The following LPP variants were observed in gnomAD, a reference collection of about 807,000 sequenced individuals.
The protein encoded by LPP is lipoma-preferred partner.
In LPP, 38 loss-of-function variants were observed where a neutral mutation model predicts 60.4. The ratio of observed to expected loss-of-function variants is 0.63; its 90% CI spans 0.49 to 0.83. The LOEUF (loss-of-function observed/expected upper bound fraction) is 0.83, where lower values mean the gene tolerates loss of function less well. Among genes scored for constraint, LPP ranks in the 40% least tolerant of loss-of-function variants. The pLI is 0.00. For missense variants in LPP, 902 were observed against 783.6 expected (o/e 1.15, Z -1.80); for synonymous variants, 328 against 290.8 (o/e 1.13, Z -1.30).
intron 1 of LPP, among the ~76,000 whole-genome samples, chr3:188,190,514 C>G (rs1180689683): frequency 6.6e-6 from 1 of 152,182 alleles, no homozygotes; most frequent in East Asian, 1.9e-4. Flanking sequence ...ATGCTCTGTT[C>G]TAGGCACTGG....
intron 6 of LPP, among the ~76,000 whole-genome samples, chr3:188,549,896 A>G (rs576481376): frequency 6.6e-6 from 1 of 152,328 alleles, no homozygotes; most frequent in African/African-American, 2.4e-5. Context: ...TGGCAATAAA[A>G]GGCCTTGCTT....
chr3:188,365,446 T>C (rs1770842385), intron 3 of LPP, among the ~76,000 whole-genome samples: 1 of 152,208 alleles, frequency 6.6e-6, no homozygotes, highest in Non-Finnish European at 1.5e-5. Context: ...TCACTTTTAG[T>C]ATGTGACTTG....
intron 9 of LPP, among the ~76,000 whole-genome samples, chr3:188,816,703 C>T (rs906267983): frequency 6.6e-5 from 10 of 152,134 alleles, no homozygotes; most frequent in Admixed American, 4.6e-4. Context: ...AGATTCAGTG[C>T]CAAAGAAATT....
At chr3:188,269,124 T>A (rs1436963589) in intron 2 of LPP, among the ~76,000 whole-genome samples, 1 of 152,206 alleles carries the variant, frequency 6.6e-6, no homozygotes, top group Non-Finnish European at 1.5e-5. Flanking sequence ...TTGTGGGTGA[T>A]CATATACTAT....
chr3:188,440,611 C>T (rs1470940200), intron 4 of LPP, among the ~76,000 whole-genome samples: 1 of 152,192 alleles, frequency 6.6e-6, no homozygotes, highest in Non-Finnish European at 1.5e-5. Context: ...TTATGCTACT[C>T]TTTCCCTTAG....
chr3:188,321,739 T>C (rs754502459), intron 2 of LPP, among the ~76,000 whole-genome samples: 1 of 152,232 alleles, frequency 6.6e-6, no homozygotes, highest in Non-Finnish European at 1.5e-5. Context: ...CTTTTTCTCT[T>C]TCTACCATCC....
At chr3:188,524,200 C>T (rs1819819718) in intron 5 of LPP, among the ~76,000 whole-genome samples, 1 of 152,180 alleles carries the variant, frequency 6.6e-6, no homozygotes, top group African/African-American at 2.4e-5. Context: ...CCTGAGACTT[C>T]CAAGCACTGG....
chr3:188,766,934 T>A (rs1436521446), intron 9 of LPP, among the ~76,000 whole-genome samples: 1 of 152,164 alleles, frequency 6.6e-6, no homozygotes, highest in Non-Finnish European at 1.5e-5. Flanking sequence ...AATGAGATCA[T>A]ACCTTAACTA....
chr3:188,276,939 T>A (rs1740157884), intron 2 of LPP, among the ~76,000 whole-genome samples: 1 of 133,972 alleles, frequency 7.5e-6, no homozygotes, highest in African/African-American at 2.8e-5. Context: ...GGTCTTACTC[T>A]GATGCCCAGG....
intron 6 of LPP, among the ~76,000 whole-genome samples, chr3:188,536,779 A>G (rs1823756550): frequency 6.6e-6 from 1 of 152,246 alleles, no homozygotes; most frequent in Non-Finnish European, 1.5e-5. Context: ...CTGTATAGTC[A>G]GATATATGAA....
intron 7 of LPP, among the ~76,000 whole-genome samples, chr3:188,628,485 A>G (rs1427841131): frequency 6.6e-6 from 1 of 152,146 alleles, no homozygotes; most frequent in Admixed American, 6.6e-5. Flanking sequence ...GCAGACATAC[A>G]TTAGAAAACC....
chr3:188,265,788 A>G (rs1282154309), intron 2 of LPP, among the ~76,000 whole-genome samples: 1 of 151,404 alleles, frequency 6.6e-6, no homozygotes, highest in African/African-American at 2.4e-5. Context: ...GCCTTCCTGT[A>G]ATGTTGGAGG....
At chr3:188,659,095 T>TA (rs959027183) in intron 7 of LPP, among the ~76,000 whole-genome samples, 1 of 152,174 alleles carries the variant, frequency 6.6e-6, no homozygotes, top group African/African-American at 2.4e-5. Context: ...TAGTAAGTGT[T>TA]AAAAAATAAT....
At chr3:188,448,621 G>T (rs948780463) in intron 4 of LPP, among the ~76,000 whole-genome samples, 1 of 152,104 alleles carries the variant, frequency 6.6e-6, no homozygotes, top group Non-Finnish European at 1.5e-5. Context: ...TGCCTAGGAC[G>T]TTCAGTGGGA....
intron 9 of LPP, among the ~76,000 whole-genome samples, chr3:188,813,566 C>G (rs1751665670): frequency 6.6e-6 from 1 of 152,108 alleles, no homozygotes; most frequent in Non-Finnish European, 1.5e-5. Flanking sequence ...TCACTGAATG[C>G]CTACTATGTC....
intron 7 of LPP, among the ~76,000 whole-genome samples, chr3:188,627,849 G>A (rs1414363222): frequency 6.6e-6 from 1 of 152,058 alleles, no homozygotes; most frequent in African/African-American, 2.4e-5. Context: ...CTCTAAGATT[G>A]ACTACACACC....
At chr3:188,220,127 A>G (rs1241730083) in intron 1 of LPP, among the ~76,000 whole-genome samples, 1 of 152,132 alleles carries the variant, frequency 6.6e-6, no homozygotes, top group African/African-American at 2.4e-5. Flanking sequence ...CATCTGCCAG[A>G]TGGGTGTGAT....
intron 3 of LPP, among the ~76,000 whole-genome samples, chr3:188,365,360 T>G (rs768865746): frequency 2.6e-5 from 4 of 152,250 alleles, no homozygotes; most frequent in Non-Finnish European, 5.9e-5. Context: ...CCCTGCAGTA[T>G]GTGGTGAATG....
intron 8 of LPP, among the ~76,000 whole-genome samples, chr3:188,724,057 C>T (rs1199181519): frequency 6.6e-6 from 1 of 152,146 alleles, no homozygotes; most frequent in Non-Finnish European, 1.5e-5. Context: ...AAACCATTCT[C>T]ACTAATGATT....
Sources: allele counts gnomAD v4.1 joint callset (sites outside exome capture counted in the v4.1 genomes callset), GRCh38; gene constraint gnomAD v4.1.1; transcripts MANE v1.5; gene names NCBI Gene and HGNC (gene_info 2026-07-23, HGNC 2026-07-21).